The following MYCBP2 variants were observed in gnomAD, a reference collection of about 807,000 sequenced individuals.
MYCBP2 encodes MYC binding protein 2.
Under a neutral mutation model 525.3 loss-of-function variants are expected in MYCBP2, and 120 were observed. That is an observed-to-expected ratio of 0.23 (90% CI 0.20 to 0.27). MYCBP2 has a LOEUF of 0.27. Among genes scored for constraint, MYCBP2 ranks in the 10% least tolerant of loss-of-function variants. The pLI is 1.00. For synonymous variants in MYCBP2, 1,894 were observed against 1,955.8 expected (o/e 0.97, Z 0.83); for missense variants, 4,149 against 5,657.1 (o/e 0.73, Z 8.55).
chr13:77,067,212 T>C (rs190730626), intron 71 of MYCBP2, among the ~76,000 whole-genome samples: 3 of 152,306 alleles, frequency 2.0e-5, no homozygotes, highest in Admixed American at 6.5e-5. Context: ...AAAAGAAATG[T>C]ACATAAAGCT....
At chr13:77,182,396 G>A (rs2060292166) in intron 32 of MYCBP2, among the ~76,000 whole-genome samples, 1 of 152,046 alleles carries the variant, frequency 6.6e-6, no homozygotes, top group Non-Finnish European at 1.5e-5. Context: ...AATTTACCAA[G>A]AAAAATTAGT....
At chr13:77,083,748 T>C (rs1289776366) in intron 62 of MYCBP2, among the ~76,000 whole-genome samples, 1 of 152,046 alleles carries the variant, frequency 6.6e-6, no homozygotes, top group Non-Finnish European at 1.5e-5. Flanking sequence ...ATATTAACTA[T>C]GGAATAACTT....
In MYCBP2 at chr13:77,204,564, C is replaced by T. The variant is rs1368253972; in HGVS notation, c.3843+692G>A. On this transcript the variant is annotated intron_variant, in intron 26 of 82. Transcript: ENST00000544440. ...CATTACTGGGTATATACCCAAAGGACTATAAATCATGCTGCTATAAAGACA... is the reference window on the plus strand; with the variant it reads ...CATTACTGGGTATATACCCAAAGGATTATAAATCATGCTGCTATAAAGACA... 2.7e-4 allele frequency among the ~76,000 whole-genome samples: 29 copies of T among 106,940 alleles called. No homozygotes were observed. In the Admixed American group the frequency reaches 2.8e-3, roughly 10 times the overall value. The allele number at this position is 106,940 out of a possible 152,430, so 70.2% of individuals were successfully genotyped here. A position where few individuals can be genotyped will look rare whatever the true frequency, so the allele number is the denominator to read the frequency against.
In MYCBP2 at chr13:77,139,229, T is replaced by C. The variant is rs143379789; in HGVS notation, c.7626A>G (p.Gln2542=). 6.2e-7 allele frequency: 1 copy of C among 1,613,834 alleles called. No homozygotes were observed. The highest frequency in any genetic ancestry group is 8.5e-7 in the Non-Finnish European group (1 of 1,179,778). Residue 2542 remains glutamine, a synonymous_variant, in exon 52 of 83, where the codon CAA becomes CAG. Coordinates refer to ENST00000544440, the MANE Select transcript of MYCBP2 (RefSeq NM_015057.5). Reference sequence around the variant, plus strand: ...GGACCAGAAGACTCTTGCCAAGATGTTGATTAAAAGAGAGGCACCAGGCTT... The same window carrying C: ...GGACCAGAAGACTCTTGCCAAGATGCTGATTAAAAGAGAGGCACCAGGCTT... ...YTEAWCLSFN[Q]HLGKSLLVPV... is the part of the protein sequence containing the mutation.
At chr13:77,305,815 A>G (rs2079348843) in intron 1 of MYCBP2, among the ~76,000 whole-genome samples, 2 of 152,172 alleles carry the variant, frequency 1.3e-5, no homozygotes, top group Non-Finnish European at 2.9e-5. Flanking sequence ...AGAAACAGAA[A>G]AAGTATTTTT....
chr13:77,193,698 C>T (rs1301825667), intron 27 of MYCBP2, among the ~76,000 whole-genome samples: 1 of 152,104 alleles, frequency 6.6e-6, no homozygotes, highest in Non-Finnish European at 1.5e-5. Context: ...CTAGTCACCT[C>T]CCCAAGTGTG....
At chr13:77,247,546 G>C (rs73545891) in intron 15 of MYCBP2, among the ~76,000 whole-genome samples, 3,309 of 152,266 alleles carry the variant, frequency 0.022, 119 homozygotes, top group African/African-American at 0.076. Context: ...AAATCCCAAT[G>C]ATGGTTTTTA....
At chr13:77,288,067 TA>T in intron 3 of MYCBP2, 93 bp downstream of exon 3, 1 of 1,271,250 alleles carries the variant, frequency 7.9e-7, no homozygotes, top group Non-Finnish European at 1.1e-6. Context: ...CAATTTTACA[TA>T]AAGCAAAGTA....
Position 77,081,174 on chromosome 13 carries a change from C to T in MYCBP2, c.11418+253G>A. 2.6e-6 allele frequency: 1 copy of T among 383,350 alleles called. No homozygotes were observed. The highest frequency in any genetic ancestry group is 4.6e-6 in the Non-Finnish European group (1 of 215,796). The allele number at this position is 383,350 out of a possible 1,614,324, so 23.7% of individuals were successfully genotyped here. On this transcript the variant is annotated intron_variant, in intron 65 of 82. Coordinates refer to ENST00000544440, the MANE Select transcript of MYCBP2 (RefSeq NM_015057.5). The surrounding 1 kb of genome is among the most constrained non-coding windows in gnomAD (Gnocchi z 4.6). ...GGAATGGCAGCAGAAAATTGTAGAG[C>T]AGACTTTCATTTTGCTTAGCTGTAG...
intron 2 of MYCBP2, among the ~76,000 whole-genome samples, chr13:77,291,749 A>G (rs1229445804): frequency 2.0e-5 from 3 of 152,104 alleles, no homozygotes; most frequent in African/African-American, 7.2e-5. Context: ...CCTGCGGAAC[A>G]AGAGCGAAAC....
intron 61 of MYCBP2, among the ~76,000 whole-genome samples, chr13:77,088,436 T>C (rs1279000400): frequency 6.6e-6 from 1 of 152,160 alleles, no homozygotes; most frequent in Non-Finnish European, 1.5e-5. Flanking sequence ...AATCCTATTA[T>C]TTCCAGAGAC....
intron 29 of MYCBP2, among the ~76,000 whole-genome samples, 166 bp downstream of exon 29, chr13:77,190,086 A>T (rs1443642186): frequency 6.6e-6 from 1 of 152,184 alleles, no homozygotes; most frequent in Non-Finnish European, 1.5e-5. Flanking sequence ...AAAAATATAC[A>T]AAATATTAAC....
At position 77,081,666 on chromosome 13, in the gene MYCBP2, T is replaced by C. The variant is rs1157461186; in HGVS notation, c.11194-15A>G. 2 of 1,586,478 alleles carry C rather than the reference T, an allele frequency of 1.3e-6. No homozygotes were observed. The highest frequency in any genetic ancestry group is 8.6e-7 in the Non-Finnish European group (1 of 1,166,024). On this transcript the variant is annotated splice_polypyrimidine_tract_variant and intron_variant, in intron 64 of 82. Transcript: ENST00000544440. This position sits in a 1 kb window ranked among gnomAD's most constrained non-coding sequence, Gnocchi z 4.6. ...ATGCATAATTCCTATCAGAAACAAA[T>C]ATAAGTACTTATGATACTTAAAAGC...
rs1477256043 is a variant in MYCBP2, at chr13:77,326,238, CAG to C, written c.302+234_302+235del. On this transcript the variant is annotated intron_variant, in intron 1 of 82. Transcript: ENST00000544440. This position sits in a 1 kb window ranked among gnomAD's most constrained non-coding sequence, Gnocchi z 4.2. ...CTCACTATCCCCCCACATAGGCAGG[CAG>C]ACACACACACACACACACACACACA... 7.6e-6 allele frequency among the ~76,000 whole-genome samples: 1 copy of C among 130,956 alleles called. No individual in the cohort carries two copies. Among genetic ancestry groups the C allele is most frequent in the African/African-American group, 3.1e-5 (1 of 32,188 alleles). 85.9% of individuals were successfully genotyped at this position (130,956 alleles called of 152,430 possible).
chr13:77,185,228 A>C lies in MYCBP2; in HGVS notation c.4594T>G (p.Leu1532Val). The C allele has an allele frequency of 6.2e-7, 1 of 1,614,192 alleles. No homozygotes were observed. Among genetic ancestry groups the C allele is most frequent in the Non-Finnish European group, 8.5e-7 (1 of 1,180,024 alleles). The change falls in exon 32 of 83, where the codon TTG becomes GTG. Residue 1532 changes from leucine to valine, a missense_variant. Transcript: ENST00000544440. Reference protein sequence around the residue: ...NDPQGYLSQPLSLLEAVLQEC... With the variant: ...NDPQGYLSQPVSLLEAVLQEC... The stretch of plus-strand genomic sequence containing the variant: ...TGAAGGACAGCTTCTAGAAGACTCA[A>C]GGGTTGACTGAGATATCCTTGAGGA...
intron 58 of MYCBP2, 62 bp from the exon 59 acceptor site, chr13:77,093,394 A>C: frequency 7.1e-7 from 1 of 1,417,892 alleles, no homozygotes; most frequent in Non-Finnish European, 9.7e-7. Context: ...CTCCATTTTT[A>C]ATCTCTTTCA....
intron 55 of MYCBP2, 65 bp from the exon 56 acceptor site, chr13:77,099,078 T>C (rs1566521292): frequency 6.4e-7 from 1 of 1,567,656 alleles, no homozygotes; most frequent in East Asian, 2.2e-5. Context: ...ATTTAGCCAC[T>C]AAACACTGAA....
At chr13:77,112,850 CTTTT>C (rs759614038) in intron 55 of MYCBP2, among the ~76,000 whole-genome samples, 5 of 152,064 alleles carry the variant, frequency 3.3e-5, no homozygotes, top group Admixed American at 1.3e-4. Context: ...CCTTGATATA[CTTTT>C]TTTTCCATTA....
At chr13:77,317,187 C>A (rs537254729) in intron 1 of MYCBP2, among the ~76,000 whole-genome samples, 1 of 152,148 alleles carries the variant, frequency 6.6e-6, no homozygotes, top group Non-Finnish European at 1.5e-5. Context: ...CCTGACTTCA[C>A]GTGATCCACT....
Sources: allele counts gnomAD v4.1 joint callset (sites outside exome capture counted in the v4.1 genomes callset), GRCh38; gene constraint gnomAD v4.1.1; non-coding constraint Gnocchi (gnomAD v3.1); transcripts MANE v1.5; gene names NCBI Gene and HGNC (gene_info 2026-07-23, HGNC 2026-07-21).